The following TFEC variants were observed in gnomAD, a reference collection of about 807,000 sequenced individuals.
TFEC encodes class E basic helix-loop-helix protein 34.
In TFEC, 31 loss-of-function variants were observed where a neutral mutation model predicts 41.6. The ratio of observed to expected loss-of-function variants is 0.74; its 90% CI spans 0.56 to 1.01. The LOEUF is 1.01. Among genes scored for constraint, TFEC ranks in the 50% least tolerant of loss-of-function variants. TFEC has a pLI of 0.00. For synonymous variants in TFEC, 143 were observed against 140.6 expected, an observed-to-expected ratio of 1.02 and a Z score of -0.12; for missense variants, 402 against 404.1, an observed-to-expected ratio of 0.99 and a Z score of 0.04.
intron 3 of TFEC, among the ~76,000 whole-genome samples, chr7:116,092,878 G>A (rs567747862): frequency 1.3e-5 from 2 of 152,226 alleles, no homozygotes; most frequent in South Asian, 2.1e-4. Context: ...CTATGGAAGC[G>A]AGTCTGACCA....
chr7:116,090,235 G>A (rs537065711), intron 3 of TFEC, among the ~76,000 whole-genome samples: 1 of 152,210 alleles, frequency 6.6e-6, no homozygotes, highest in African/African-American at 2.4e-5. Context: ...TCAGCCTCTG[G>A]TTGGTTTCTT....
At chr7:115,941,051 C>T (rs1793469434) in intron 7 of TFEC, 120 bp from the exon 8 acceptor site, 3 of 897,824 alleles carry the variant, frequency 3.3e-6, no homozygotes, top group Admixed American at 3.1e-5. Context: ...TAATACAATA[C>T]AAATTATGAA....
At chr7:116,060,227 G>T (rs1796520990) in intron 3 of TFEC, among the ~76,000 whole-genome samples, 2 of 152,158 alleles carry the variant, frequency 1.3e-5, no homozygotes, top group African/African-American at 4.8e-5. Context: ...TAACATGCTG[G>T]CAAGGTTGCA....
chr7:115,951,008 G>T (rs1791909783), intron 5 of TFEC, 59 bp from the exon 6 acceptor site: 4 of 1,053,084 alleles, frequency 3.8e-6, no homozygotes, highest in East Asian at 2.8e-5. Flanking sequence ...CTTTTGGTCA[G>T]CTGTAAACAT....
chr7:116,046,097 G>C (rs1584446341), intron 3 of TFEC, among the ~76,000 whole-genome samples: 1 of 152,170 alleles, frequency 6.6e-6, no homozygotes, highest in East Asian at 1.9e-4. Flanking sequence ...CTTATAGGCA[G>C]AAGGGACTTG....
At chr7:115,982,608 G>T (rs543622856) in intron 2 of TFEC, among the ~76,000 whole-genome samples, 20 of 152,058 alleles carry the variant, frequency 1.3e-4, no homozygotes, top group African/African-American at 4.6e-4. Context: ...AATGATGGTT[G>T]GGAGATACTT....
At chr7:116,144,201 G>A (rs1488412596) in intron 1 of TFEC, among the ~76,000 whole-genome samples, 1 of 145,378 alleles carries the variant, frequency 6.9e-6, no homozygotes, top group Admixed American at 6.9e-5. Flanking sequence ...TGGCAACAGA[G>A]TGAGACTCCA....
rs139176684 is a variant in TFEC, at chr7:116,050,407, G to A, written c.198+60301C>T. On this transcript the variant is annotated intron_variant, in intron 3 of 8. Coordinates refer to the TFEC transcript ENST00000484212. Reference sequence around the variant, plus strand: ...GAAGAAATCTATCCATCTGAAAAAGGGCTAATATCCAGAATCTACAAAGAA... The same window carrying A: ...GAAGAAATCTATCCATCTGAAAAAGAGCTAATATCCAGAATCTACAAAGAA... Among the ~76,000 whole-genome samples the A allele has an allele frequency of 1.0e-3, 152 of 152,132 alleles. 2 individuals are homozygous for A. In the East Asian group the frequency reaches 0.021, roughly 21 times the overall value.
chr7:116,008,659 A>T (rs756558518), intron 1 of TFEC, among the ~76,000 whole-genome samples: 10 of 152,220 alleles, frequency 6.6e-5, no homozygotes, highest in Non-Finnish European at 1.5e-4. Context: ...AAAGATTAAT[A>T]ACTCATTTCT....
intron 3 of TFEC, among the ~76,000 whole-genome samples, chr7:116,076,567 G>C (rs1042738764): frequency 1.6e-4 from 25 of 151,984 alleles, no homozygotes; most frequent in Middle Eastern, 3.4e-3. Context: ...GAAATAAATA[G>C]CATAAATAAA....
chr7:115,987,201 T>C (rs1242764285), intron 1 of TFEC, among the ~76,000 whole-genome samples: 2 of 152,114 alleles, frequency 1.3e-5, no homozygotes, highest in African/African-American at 4.8e-5. Context: ...ACAACATCTG[T>C]AAACTAAGCA....
intron 1 of TFEC, among the ~76,000 whole-genome samples, chr7:116,020,415 A>T (rs942214301): frequency 8.5e-5 from 13 of 152,164 alleles, no homozygotes; most frequent in African/African-American, 3.1e-4. Context: ...GATCGCTGAA[A>T]CATTATTAAT....
chr7:116,086,920 T>C (rs1244736581), intron 3 of TFEC, among the ~76,000 whole-genome samples: 1 of 151,986 alleles, frequency 6.6e-6, no homozygotes, highest in African/African-American at 2.4e-5. Flanking sequence ...ACTATGGATG[T>C]GATAGTTCTA....
In TFEC at chr7:115,984,437, G is replaced by A. The variant is rs759921902; in HGVS notation, c.5C>T (p.Thr2Ile). 1.2e-6 allele frequency: 2 copies of A among 1,614,080 alleles called. No individual in the cohort carries two copies. Among genetic ancestry groups the A allele is most frequent in the East Asian group, 2.2e-5 (1 of 44,860 alleles). Residue 2 changes from threonine to isoleucine, a missense_variant, in exon 2 of 8, where the codon ACC (threonine) becomes ATC (isoleucine). Coordinates refer to ENST00000265440, the MANE Select transcript of TFEC (RefSeq NM_012252.4). ...TGGATTGATGATCTGATGATCAAGG[G>A]TCATGAAAGAGTTTACTTTCTGTCT... MTLDHQIINPTL... is the reference protein window; with the variant it reads MILDHQIINPTL...
At chr7:115,948,364 C>A (rs543269551) in intron 6 of TFEC, among the ~76,000 whole-genome samples, 2 of 151,928 alleles carry the variant, frequency 1.3e-5, no homozygotes, top group African/African-American at 4.8e-5. Flanking sequence ...CAGCATCATC[C>A]TGATACCAAA....
intron 2 of TFEC, among the ~76,000 whole-genome samples, chr7:115,975,831 G>A (rs1793353696): frequency 6.6e-6 from 1 of 152,100 alleles, no homozygotes; most frequent in Non-Finnish European, 1.5e-5. Flanking sequence ...CCTAAAGTAG[G>A]AACAAGTTCA....
intron 3 of TFEC, among the ~76,000 whole-genome samples, chr7:116,075,978 G>A (rs1021532772): frequency 1.8e-4 from 28 of 152,248 alleles, no homozygotes; most frequent in African/African-American, 5.5e-4. Flanking sequence ...TAAAACCAGT[G>A]CACTATATGA....
intron 1 of TFEC, among the ~76,000 whole-genome samples, chr7:116,118,102 C>A (rs1347383169): frequency 6.6e-6 from 1 of 151,714 alleles, no homozygotes; most frequent in Non-Finnish European, 1.5e-5. Context: ...TTAGAGTTGA[C>A]CTTTATTTAA....
intron 6 of TFEC, among the ~76,000 whole-genome samples, chr7:115,949,645 A>T (rs928148078): frequency 1.3e-5 from 2 of 152,010 alleles, no homozygotes; most frequent in African/African-American, 4.8e-5. Context: ...CTGGCTAGCC[A>T]TATGGAGAAA....
Sources: gnomAD v4.1 joint callset for allele counts (sites outside exome capture counted in the v4.1 genomes callset) on GRCh38, gnomAD v4.1.1 for gene constraint, MANE v1.5 for transcripts, NCBI Gene and HGNC (gene_info 2026-07-23, HGNC 2026-07-21) for gene names.